The following CACNA1E variants were observed in gnomAD, a reference collection of about 807,000 sequenced individuals.
CACNA1E encodes calcium voltage-gated channel subunit alpha1 E.
Under a neutral mutation model 259.2 loss-of-function variants are expected in CACNA1E, and 40 were observed. The ratio of observed to expected loss-of-function variants is 0.15; its 90% CI spans 0.12 to 0.20. The LOEUF (loss-of-function observed/expected upper bound fraction) is 0.20. Ranked by LOEUF, CACNA1E falls within the 10% of genes least tolerant of loss-of-function variation. The pLI is 1.00. For missense variants in CACNA1E, 1,874 were observed against 3,040.1 expected (o/e 0.62, Z 9.02); for synonymous variants, 1,104 against 1,138.5 (o/e 0.97, Z 0.61).
chr1:181,760,857 G>A (rs957750078), intron 32 of CACNA1E, among the ~76,000 whole-genome samples: 4 of 152,136 alleles, frequency 2.6e-5, no homozygotes, highest in Non-Finnish European at 4.4e-5. Context: ...ACCACAGCAT[G>A]CTATTCTGTA....
At chr1:181,541,585 A>G (rs1256258026) in intron 3 of CACNA1E, among the ~76,000 whole-genome samples, 5 of 152,292 alleles carry the variant, frequency 3.3e-5, no homozygotes, top group African/African-American at 9.6e-5. Flanking sequence ...TTCCAGTCCT[A>G]TGTTCTGAAA....
chr1:181,717,949 C>A, intron 11 of CACNA1E, 106 bp from the exon 12 acceptor site: 1 of 641,374 alleles, frequency 1.6e-6, no homozygotes, highest in Admixed American at 2.4e-5. Context: ...CACCGAATGT[C>A]CTGACGTGTG....
chr1:181,705,245 G>A (rs189593683), intron 7 of CACNA1E, among the ~76,000 whole-genome samples: 56 of 152,228 alleles, frequency 3.7e-4, no homozygotes, highest in African/African-American at 1.3e-3. Flanking sequence ...CATCCCTCCA[G>A]GCACACATGA....
intron 3 of CACNA1E, among the ~76,000 whole-genome samples, chr1:181,529,555 AAGC>A (rs1272723470): frequency 8.5e-5 from 13 of 152,302 alleles, no homozygotes; most frequent in Admixed American, 3.3e-4. Flanking sequence ...CAGCCCATGA[AAGC>A]AGCCAGGAGG....
chr1:181,705,863 G>C (rs1286454397), intron 7 of CACNA1E, among the ~76,000 whole-genome samples: 2 of 152,182 alleles, frequency 1.3e-5, no homozygotes, highest in Non-Finnish European at 2.9e-5. Context: ...GAGACAGCAA[G>C]GTGACTGTCC....
chr1:181,345,144 G>T (rs1002330900), intron 1 of CACNA1E, among the ~76,000 whole-genome samples: 1 of 152,260 alleles, frequency 6.6e-6, no homozygotes, highest in African/African-American at 2.4e-5. Flanking sequence ...GCCTCCTTCA[G>T]CAGGGTCTGC....
chr1:181,411,907 G>C (rs1377674777), intron 1 of CACNA1E, among the ~76,000 whole-genome samples: 1 of 152,266 alleles, frequency 6.6e-6, no homozygotes, highest in Non-Finnish European at 1.5e-5. Context: ...ACTGCGCCCA[G>C]CCAGGTGTGC....
At chr1:181,456,179 G>A (rs1661451568) in intron 2 of CACNA1E, among the ~76,000 whole-genome samples, 1 of 152,074 alleles carries the variant, frequency 6.6e-6, no homozygotes, top group Non-Finnish European at 1.5e-5. Flanking sequence ...CATTGCTGAT[G>A]GTACCAGTGA....
intron 1 of CACNA1E, among the ~76,000 whole-genome samples, chr1:181,323,254 T>A (rs1462522351): frequency 6.6e-6 from 1 of 152,240 alleles, no homozygotes; most frequent in East Asian, 1.9e-4. Context: ...TTCTCTTAAG[T>A]GATTGGTTTC....
intron 43 of CACNA1E, among the ~76,000 whole-genome samples, chr1:181,790,222 G>A (rs1261651008): frequency 2.0e-5 from 3 of 151,668 alleles, no homozygotes; most frequent in African/African-American, 4.8e-5. Flanking sequence ...GCTAGCCCCC[G>A]GCAGAATAAT....
chr1:181,651,216 A>G, intron 6 of CACNA1E, 122 bp from the exon 7 acceptor site: 1 of 646,372 alleles, frequency 1.5e-6, no homozygotes, highest in South Asian at 1.9e-5. Context: ...GAATGGAGTA[A>G]GGCAATATTT....
intron 6 of CACNA1E, among the ~76,000 whole-genome samples, chr1:181,623,913 GC>G (rs746228665): frequency 2.0e-5 from 3 of 152,134 alleles, no homozygotes; most frequent in Non-Finnish European, 4.4e-5. Flanking sequence ...TGTTTTTCTT[GC>G]TATAAAAGAA....
chr1:181,402,570 A>C (rs1331627281), intron 1 of CACNA1E, among the ~76,000 whole-genome samples: 1 of 152,092 alleles, frequency 6.6e-6, no homozygotes, highest in Non-Finnish European at 1.5e-5. Context: ...GCCAGAGCGT[A>C]CTCCGTCCCC....
At chr1:181,788,896 T>C (rs755334954) in intron 43 of CACNA1E, among the ~76,000 whole-genome samples, 18 of 152,340 alleles carry the variant, frequency 1.2e-4, no homozygotes, top group Non-Finnish European at 2.4e-4. Flanking sequence ...AGACATGATC[T>C]CATTCTGTTG....
intron 7 of CACNA1E, among the ~76,000 whole-genome samples, chr1:181,708,794 T>C (rs1331450429): frequency 6.6e-6 from 1 of 152,216 alleles, no homozygotes; most frequent in Non-Finnish European, 1.5e-5. Flanking sequence ...AGAATGGTTG[T>C]AAAGATTAAA....
chr1:181,736,657 T>C (rs1656062274), intron 22 of CACNA1E, among the ~76,000 whole-genome samples: 1 of 152,112 alleles, frequency 6.6e-6, no homozygotes, highest in African/African-American at 2.4e-5. Flanking sequence ...AAGAGTAACA[T>C]CGACAGGAGA....
At chr1:181,348,305 G>A (rs1404872291) in intron 1 of CACNA1E, among the ~76,000 whole-genome samples, 3 of 151,946 alleles carry the variant, frequency 2.0e-5, no homozygotes, top group Non-Finnish European at 2.9e-5. Context: ...CATGGGGGAG[G>A]GTATCAAACC....
chr1:181,417,105 T>C (rs543217240), intron 2 of CACNA1E, among the ~76,000 whole-genome samples: 2 of 152,058 alleles, frequency 1.3e-5, no homozygotes, highest in African/African-American at 4.8e-5. Flanking sequence ...GATCACCCCC[T>C]CTTTTCTCTC....
At chr1:181,759,820 C>G (rs142382549) in intron 32 of CACNA1E, among the ~76,000 whole-genome samples, 2 of 152,320 alleles carry the variant, frequency 1.3e-5, no homozygotes, top group African/African-American at 2.4e-5. Flanking sequence ...GCAGCTTTAA[C>G]AGAGACTCTG....
Sources: allele counts gnomAD v4.1 joint callset (sites outside exome capture counted in the v4.1 genomes callset), GRCh38; gene constraint gnomAD v4.1.1; transcripts MANE v1.5; gene names NCBI Gene and HGNC (gene_info 2026-07-23, HGNC 2026-07-21).